Variants in SHQ1 observed in about 807,000 individuals in gnomAD.
The protein encoded by SHQ1 is SHQ1, H/ACA ribonucleoprotein assembly factor, also known as protein SHQ1 homolog.
A neutral mutation model predicts 53.8 loss-of-function variants in SHQ1; 49 were observed. The ratio of observed to expected loss-of-function variants is 0.91; its 90% CI spans 0.72 to 1.16. SHQ1 has a LOEUF of 1.16. Ranked by LOEUF, SHQ1 falls within the 50% of genes most tolerant of loss-of-function variation. The pLI is 0.00. For synonymous variants in SHQ1, 243 were observed against 251.0 expected (o/e 0.97, Z 0.30); for missense variants, 738 against 683.1 (o/e 1.08, Z -0.90).
chr3:72,797,922 G>C (rs565106831), intron 9 of SHQ1, among the ~76,000 whole-genome samples: 117 of 151,994 alleles, frequency 7.7e-4, no homozygotes, highest in African/African-American at 2.7e-3. Context: ...TGTACTGACT[G>C]CTCTTTCTAT....
rs1705380617 is a variant in SHQ1 at position 72,751,534 on chromosome 3, A to ATG, written c.1182-699_1182-698insCA. On this transcript the variant is annotated intron_variant, in intron 10 of 10. Transcript: ENST00000325599. The stretch of plus-strand genomic sequence containing the variant: ...TATATATATATATATATATATACAT[A>ATG]TACATACACTAATAAAGCCTAACTC... Among the ~76,000 whole-genome samples, 7 of 142,818 alleles carry ATG rather than the reference A, an allele frequency of 4.9e-5. No homozygotes were observed. In the South Asian group the frequency reaches 1.5e-3, roughly 30 times the overall value. 93.7% of individuals were successfully genotyped at this position (142,818 alleles called of 152,430 possible). A position where few individuals can be genotyped will look rare whatever the true frequency, so the allele number is the denominator to read the frequency against.
intron 10 of SHQ1, among the ~76,000 whole-genome samples, chr3:72,765,557 A>ATATATT (rs1491527508): frequency 8.7e-5 from 5 of 57,192 alleles, no homozygotes; most frequent in African/African-American, 4.0e-4. Context: ...ATATATATAT[A>ATATATT]TTTTTTTTTT....
intron 8 of SHQ1, chr3:72,814,682 G>T (rs1707251848): frequency 6.6e-6 from 1 of 151,998 alleles, no homozygotes; most frequent in Non-Finnish European, 1.5e-5. Context: ...TTACTGTTTT[G>T]ATGCACAAGT....
At chr3:72,782,740 G>T (rs1008122615) in intron 10 of SHQ1, among the ~76,000 whole-genome samples, 1 of 152,198 alleles carries the variant, frequency 6.6e-6, no homozygotes, top group Non-Finnish European at 1.5e-5. Context: ...GAAGTTGTCA[G>T]CTTTTTTAAA....
At chr3:72,727,932 G>A in the SHQ1 span, among the ~76,000 whole-genome samples, 27 of 152,252 alleles carry the variant, frequency 1.8e-4, no homozygotes, top group Admixed American at 5.9e-4. Flanking sequence ...CATTACTCTG[G>A]CCATGAGAGT....
At chr3:72,808,693 G>T (rs529533796) in intron 9 of SHQ1, among the ~76,000 whole-genome samples, 7 of 152,092 alleles carry the variant, frequency 4.6e-5, no homozygotes, top group South Asian at 2.1e-4. Context: ...AAATTATGGG[G>T]TGTCCGAACA....
chr3:72,741,220 A>C, the SHQ1 span, among the ~76,000 whole-genome samples: 1 of 152,222 alleles, frequency 6.6e-6, no homozygotes. Context: ...CAATCCAGTC[A>C]GCTAAGAGCA....
In SHQ1 at chr3:72,758,627, T is replaced by C. The variant is rs1346415759; in HGVS notation, c.1182-7791A>G. 2.1e-5 allele frequency among the ~76,000 whole-genome samples: 3 copies of C among 146,198 alleles called. No homozygotes were observed. In the East Asian group the frequency reaches 6.0e-4, roughly 29 times the overall value. ...TTCTATTGCCCAAGCTGGAATGCAA[T>C]GGCACGATCTCGGCTCACTGCAACC... On this transcript the variant is annotated intron_variant, in intron 10 of 10. Coordinates refer to ENST00000325599, the MANE Select transcript of SHQ1 (RefSeq NM_018130.3).
intron 4 of SHQ1, among the ~76,000 whole-genome samples, chr3:72,839,854 G>A (rs550121920): frequency 7.6e-4 from 115 of 151,902 alleles, no homozygotes; most frequent in African/African-American, 2.6e-3. Flanking sequence ...TCTGCTTCCC[G>A]GGTTCAAGGG....
At chr3:72,739,378 A>AC in the SHQ1 span, among the ~76,000 whole-genome samples, 1 of 151,848 alleles carries the variant, frequency 6.6e-6, no homozygotes, top group African/African-American at 2.4e-5. Flanking sequence ...GCTGCGATGC[A>AC]CCCTCTCCTC....
In SHQ1 at chr3:72,824,517, T is replaced by C. The variant is rs756784262; in HGVS notation, c.634A>G (p.Ile212Val). The C allele has an allele frequency of 6.8e-6, 11 of 1,611,650 alleles. No individual in the cohort carries two copies. Among genetic ancestry groups the C allele is most frequent in the Middle Eastern group, 1.7e-4 (1 of 6,044 alleles). ...GTCCACCAAGGATTATACTTCAAAA[T>C]CTGTTCAATCGCCTCATCTTCAAAA... Reference protein sequence around the residue: ...DFFEDEAIEQILKYNPWWTDK... With the variant: ...DFFEDEAIEQVLKYNPWWTDK... Residue 212 changes from isoleucine (I) to valine (V), a missense_variant, in exon 6 of 11, where the codon ATT becomes GTT. Transcript: ENST00000325599.
chr3:72,752,532 GA>G (rs1028683748), intron 10 of SHQ1, among the ~76,000 whole-genome samples: 6 of 151,764 alleles, frequency 4.0e-5, no homozygotes, highest in Admixed American at 2.6e-4. Context: ...TATTTCAGAA[GA>G]TTTTTTTTTT....
intron 4 of SHQ1, among the ~76,000 whole-genome samples, chr3:72,840,649 G>A (rs866395418): frequency 6.6e-6 from 1 of 151,460 alleles, no homozygotes; most frequent in Non-Finnish European, 1.5e-5. Flanking sequence ...TCTCATTCTC[G>A]CCAGGAACAT....
chr3:72,799,479 G>A lies in SHQ1; in HGVS notation c.1061-6443C>T, dbSNP rs143490876. On this transcript the variant is annotated intron_variant, in intron 9 of 10. Coordinates refer to ENST00000325599, the MANE Select transcript of SHQ1 (RefSeq NM_018130.3). ...TAATCTAAATTAAGAGAACCAAAGTGGGGTAATTTGCTTTAATACCAGGCC... is the reference window on the plus strand; with the variant it reads ...TAATCTAAATTAAGAGAACCAAAGTAGGGTAATTTGCTTTAATACCAGGCC... Among the ~76,000 whole-genome samples the A allele has an allele frequency of 8.6e-3, 1,305 of 152,278 alleles. 17 individuals are homozygous for A. The highest frequency in any genetic ancestry group is 0.03 in the African/African-American group (1,229 of 41,558).
At chr3:72,734,437 G>A in the SHQ1 span, among the ~76,000 whole-genome samples, 1 of 150,838 alleles carries the variant, frequency 6.6e-6, no homozygotes, top group South Asian at 2.1e-4. Flanking sequence ...TGTATTTTTA[G>A]TAGAGACAGG....
intron 10 of SHQ1, chr3:72,773,493 A>AAAAAAAAAG (rs1705896592): frequency 3.8e-6 from 1 of 263,690 alleles, no homozygotes; most frequent in African/African-American, 2.3e-5. Context: ...TAAAAAAAAA[A>AAAAAAAAAG]AAAAGAAAAA....
chr3:72,725,896 C>A, the SHQ1 span, among the ~76,000 whole-genome samples: 2 of 152,256 alleles, frequency 1.3e-5, no homozygotes, highest in East Asian at 3.9e-4. Flanking sequence ...ATTTACTTAA[C>A]AAATACTATG....
intron 9 of SHQ1, among the ~76,000 whole-genome samples, chr3:72,803,106 T>C (rs1040418776): frequency 6.6e-6 from 1 of 152,126 alleles, no homozygotes; most frequent in African/African-American, 2.4e-5. Flanking sequence ...GGCACTTAGC[T>C]TGCTTTAGAG....
intron 9 of SHQ1, among the ~76,000 whole-genome samples, chr3:72,801,931 A>C (rs1706801253): frequency 6.6e-6 from 1 of 152,210 alleles, no homozygotes; most frequent in Non-Finnish European, 1.5e-5. Context: ...CTAATTTCTC[A>C]CGAAGTAAAA....
Sources: gnomAD v4.1 joint callset for allele counts (sites outside exome capture counted in the v4.1 genomes callset) on GRCh38, gnomAD v4.1.1 for gene constraint, MANE v1.5 for transcripts, NCBI Gene and HGNC (gene_info 2026-07-23, HGNC 2026-07-21) for gene names.